KIF26A: variants seen among roughly 807,000 people sequenced by gnomAD.
KIF26A encodes the protein kinesin family member 26A.
KIF26A carries 74 observed loss-of-function variants against 126.0 expected under a neutral mutation model. That is an observed-to-expected ratio of 0.59 (90% CI 0.49 to 0.71). KIF26A has a LOEUF of 0.71. Among genes scored for constraint, KIF26A ranks in the 30% least tolerant of loss-of-function variants. The probability of loss-of-function intolerance (pLI) is 0.00; values close to 1 mark genes in which losing one functional copy is unlikely to be tolerated. For synonymous variants in KIF26A, 1,445 were observed against 1,232.7 expected, an observed-to-expected ratio of 1.17 and a Z score of -3.61; for missense variants, 2,984 against 2,763.3, an observed-to-expected ratio of 1.08 and a Z score of -1.79.
At chr14:104,177,923 C>G in intron 12 of KIF26A, 25 bp downstream of exon 12, 3 of 1,479,358 alleles carry the variant, frequency 2.0e-6, no homozygotes, top group Non-Finnish European at 2.7e-6. Context: ...GCACAGCCCT[C>G]TACAGTTTAC....
In KIF26A at chr14:104,177,593, G is replaced by T; in HGVS notation, c.4805G>T (p.Arg1602Leu). ...HDSGVNVGEE[R>L]PPTGPALPSP... ...AGCGGCGTGAACGTGGGGGAGGAGC[G>T]GCCACCCACGGGCCCGGCCCTGCCC... Residue 1602 changes from arginine to leucine, a missense_variant, in exon 12 of 15, where the codon CGG becomes CTG. Coordinates refer to ENST00000423312, the MANE Select transcript of KIF26A (RefSeq NM_015656.2). 2 of 1,531,518 alleles carry T rather than the reference G, an allele frequency of 1.3e-6. No homozygotes were observed. The highest frequency in any genetic ancestry group is 1.2e-5 in the South Asian group (1 of 83,294). 94.9% of individuals were successfully genotyped at this position (1,531,518 alleles called of 1,614,324 possible).
chr14:104,139,394 G>T, intron 2 of KIF26A, 106 bp downstream of exon 2: 3 of 1,287,454 alleles, frequency 2.3e-6, no homozygotes, highest in Non-Finnish European at 3.0e-6. Flanking sequence ...CCCTGCTGCT[G>T]TTTCCACAAA....
Position 104,139,036 on chromosome 14 carries a change from C to T in KIF26A, c.43-7C>T. On this transcript the variant is annotated splice_region_variant and splice_polypyrimidine_tract_variant and intron_variant, in intron 1 of 14. Transcript: ENST00000423312. The stretch of plus-strand genomic sequence containing the variant: ...TCACTGTCCGCTTCCGCCCCCACAC[C>T]CTGCAGGTGGCCGAGGGCGGCCCGG... The T allele has an allele frequency of 7.4e-7, 1 of 1,359,282 alleles. No homozygotes were observed. The highest frequency in any genetic ancestry group is 9.4e-7 in the Non-Finnish European group (1 of 1,064,776). The allele number at this position is 1,359,282 out of a possible 1,614,324, so 84.2% of individuals were successfully genotyped here. A position where few individuals can be genotyped will look rare whatever the true frequency, so the allele number is the denominator to read the frequency against.
intron 5 of KIF26A, among the ~76,000 whole-genome samples, chr14:104,167,676 G>A (rs1183478676): frequency 6.6e-6 from 1 of 152,212 alleles, no homozygotes; most frequent in Non-Finnish European, 1.5e-5. Flanking sequence ...GCCCTGCCTT[G>A]TGCTGGGAGC....
chr14:104,167,326 G>A (rs77554559), intron 5 of KIF26A, among the ~76,000 whole-genome samples: 6,541 of 152,092 alleles, frequency 0.043, 182 homozygotes, highest in Non-Finnish European at 0.063. Context: ...CCAGGTCACG[G>A]GGCTCCCAGG....
Position 104,175,641 on chromosome 14 carries a change from G to A in KIF26A, c.2853G>A (p.Pro951=), listed in dbSNP as rs748346551. Residue 951 remains proline, a synonymous_variant, in exon 12 of 15, where the codon CCG becomes CCA. Coordinates refer to ENST00000423312, the MANE Select transcript of KIF26A (RefSeq NM_015656.2). The part of the protein sequence containing the change: ...VSGGRRPLPS[P]APPPPQLLEA... ...GAGGCAGGAGGCCACTGCCCAGCCC[G>A]GCTCCCCCACCTCCTCAGTTGCTGG... 11 of 1,610,268 alleles carry A rather than the reference G, an allele frequency of 6.8e-6. No homozygotes were observed. The highest frequency in any genetic ancestry group is 5.5e-5 in the South Asian group (5 of 90,798).
At chr14:104,161,919 T>TGGCAGTGCTGGGTGTG (rs1163710713) in intron 4 of KIF26A, among the ~76,000 whole-genome samples, 4 of 152,188 alleles carry the variant, frequency 2.6e-5, no homozygotes. Flanking sequence ...CGCCGCTCCC[T>TGGCAGTGCTGGGTGTG]GGCAGTGTTG....
At position 104,173,135 on chromosome 14, in the gene KIF26A, G is replaced by C. The variant is rs1055830227; in HGVS notation, c.1579G>C (p.Asp527His). 3.7e-6 allele frequency: 6 copies of C among 1,609,558 alleles called. No homozygotes were observed. Among genetic ancestry groups the C allele is most frequent in the Non-Finnish European group, 5.1e-6 (6 of 1,178,784 alleles). The change falls in exon 8 of 15, where the codon GAC becomes CAC. Residue 527 changes from aspartate (D) to histidine (H), a missense_variant. Asp to His is a moderately conservative substitution (Grantham distance 81). Coordinates refer to ENST00000423312, the MANE Select transcript of KIF26A (RefSeq NM_015656.2). ...RVSAVEVCGR[D>H]QSLRDLLAEV... is the part of the protein sequence containing the mutation. Reference sequence around the variant, plus strand: ...CTCAGCCGTGGAGGTGTGCGGGCGCGACCAGAGCCTGCGGGACCTGCTGGC... The same window carrying C: ...CTCAGCCGTGGAGGTGTGCGGGCGCCACCAGAGCCTGCGGGACCTGCTGGC...
rs1019535122 is a variant in KIF26A, at chr14:104,152,922, C to T, written c.735+461C>T. On this transcript the variant is annotated intron_variant, in intron 3 of 14. Transcript: ENST00000423312. The surrounding 1 kb of genome is among the most constrained non-coding windows in gnomAD (Gnocchi z 5.9). The stretch of plus-strand genomic sequence containing the variant: ...AGTTGCAATTGCTGGAGATGCGTTG[C>T]CTGCCCCTGTGGCACCCTGGGGGCA... 6.6e-6 allele frequency among the ~76,000 whole-genome samples: 1 copy of T among 152,120 alleles called. No individual in the cohort carries two copies. The highest frequency in any genetic ancestry group is 1.5e-5 in the Non-Finnish European group (1 of 67,994).
chr14:104,167,078 G>C (rs1296427371), intron 5 of KIF26A, 30 bp downstream of exon 5: 10 of 1,489,664 alleles, frequency 6.7e-6, no homozygotes, highest in Non-Finnish European at 8.9e-6. Flanking sequence ...CGGGGCCCTG[G>C]GTGGGGAGGC....
At chr14:104,160,453 G>A (rs1189993717) in intron 4 of KIF26A, among the ~76,000 whole-genome samples, 7 of 152,180 alleles carry the variant, frequency 4.6e-5, no homozygotes, top group Admixed American at 6.5e-5. Context: ...CCCGAGTTTC[G>A]TTAATGCTAA....
intron 2 of KIF26A, among the ~76,000 whole-genome samples, chr14:104,143,809 C>G (rs902048860): frequency 6.6e-6 from 1 of 152,238 alleles, no homozygotes; most frequent in Non-Finnish European, 1.5e-5. Flanking sequence ...CGGGGATCCG[C>G]AGGGTGGGGT....
At position 104,139,175 on chromosome 14, in the gene KIF26A, G is replaced by T. The variant is rs1361893997; in HGVS notation, c.175G>T (p.Glu59Ter). Residue 59 changes from glutamate (E) to a stop codon, truncating the protein, a stop_gained, in exon 2 of 15, where the codon GAG (glutamate) becomes TAG (stop). Coordinates refer to ENST00000423312, the MANE Select transcript of KIF26A (RefSeq NM_015656.2). LOFTEE classifies it high-confidence loss of function. ...PAPEGAGAGP[E>*]QGHSAGGGGW... is the part of the protein sequence containing the mutation. The stretch of plus-strand genomic sequence containing the variant: ...TCCCGAAGGCGCCGGGGCCGGCCCA[G>T]AGCAGGGCCACTCGGCCGGCGGAGG... 1.3e-6 allele frequency: 2 copies of T among 1,543,606 alleles called. No homozygotes were observed. Among genetic ancestry groups the T allele is most frequent in the Non-Finnish European group, 1.7e-6 (2 of 1,144,728 alleles).
intron 4 of KIF26A, among the ~76,000 whole-genome samples, chr14:104,163,663 C>T (rs1367324489): frequency 5.3e-5 from 8 of 151,890 alleles, no homozygotes; most frequent in African/African-American, 1.9e-4. Flanking sequence ...CAGAGGGTCA[C>T]GAACCTGGGA....
At chr14:104,167,076 T>C (rs1264172348) in intron 5 of KIF26A, 28 bp downstream of exon 5, 3 of 1,490,974 alleles carry the variant, frequency 2.0e-6, no homozygotes, top group East Asian at 2.5e-5. Context: ...TTCGGGGCCC[T>C]GGGTGGGGAG....
At chr14:104,174,049 CT>C in intron 10 of KIF26A, 98 bp from the exon 11 acceptor site, 2 of 1,417,070 alleles carry the variant, frequency 1.4e-6, no homozygotes, top group Non-Finnish European at 1.9e-6. Context: ...GGTGCCGGAG[CT>C]GGGTGGGAAC....
chr14:104,157,324 T>C (rs1001833511), intron 3 of KIF26A, among the ~76,000 whole-genome samples: 8 of 152,134 alleles, frequency 5.3e-5, no homozygotes, highest in Non-Finnish European at 8.8e-5. Flanking sequence ...CGTGGTTTCT[T>C]CTCTAATTAC....
chr14:104,158,174 G>A (rs924225299), intron 4 of KIF26A, among the ~76,000 whole-genome samples: 2 of 152,260 alleles, frequency 1.3e-5, no homozygotes, highest in Admixed American at 6.5e-5. Flanking sequence ...GCACTGCCAA[G>A]GAGGGGCTCT....
At chr14:104,169,931 C>G (rs2037941493) in intron 5 of KIF26A, among the ~76,000 whole-genome samples, 1 of 152,228 alleles carries the variant, frequency 6.6e-6, no homozygotes, top group Non-Finnish European at 1.5e-5. Flanking sequence ...TCTCTTTCGG[C>G]AGACAATGGC....
Sources: allele counts gnomAD v4.1 joint callset (sites outside exome capture counted in the v4.1 genomes callset), GRCh38; gene constraint gnomAD v4.1.1; non-coding constraint Gnocchi (gnomAD v3.1); transcripts MANE v1.5; gene names NCBI Gene and HGNC (gene_info 2026-07-23, HGNC 2026-07-21).